Variants in LRRK2 observed in about 807,000 individuals in gnomAD.
LRRK2 encodes leucine rich repeat kinase 2.
A neutral mutation model predicts 302.6 loss-of-function variants in LRRK2; 203 were observed. The ratio of observed to expected loss-of-function variants is 0.67; its 90% CI spans 0.60 to 0.75. The LOEUF is 0.75. Ranked by LOEUF, LRRK2 falls within the 30% of genes least tolerant of loss-of-function variation. LRRK2 has a pLI of 0.00. For missense variants in LRRK2, 2,830 were observed against 2,951.0 expected (o/e 0.96, Z 0.95); for synonymous variants, 1,066 against 1,031.9 (o/e 1.03, Z -0.63).
At chr12:40,328,835 A>G (rs1016536999) in intron 39 of LRRK2, among the ~76,000 whole-genome samples, 6 of 152,156 alleles carry the variant, frequency 3.9e-5, no homozygotes, top group Non-Finnish European at 5.9e-5. Flanking sequence ...TCAGTGCCAT[A>G]TTATTGTTCC....
intron 41 of LRRK2, 109 bp from the exon 42 acceptor site, chr12:40,346,644 A>G: frequency 9.9e-7 from 1 of 1,005,468 alleles, no homozygotes; most frequent in East Asian, 2.6e-5. Flanking sequence ...CCTGGTTTAG[A>G]ACATCTCTTC....
At position 40,314,042 on chromosome 12, in the gene LRRK2, C is replaced by T. The variant is rs201247412; in HGVS notation, c.4607C>T (p.Ser1536Leu). 3.5e-5 allele frequency: 57 copies of T among 1,612,398 alleles called. No homozygotes were observed. The Admixed American group carries it at 5.5e-4, about 16-fold the overall frequency. ...GTAGAACTTGAAAAAATCATTTTAT[C>T]GGAGCGTAAAAATGTGCCAATTGAA... ...CYVELEKIIL[S>L]ERKNVPIEFP... The change falls in exon 32 of 51, where the codon TCG becomes TTG. Residue 1536 changes from serine (S) to leucine (L), a missense_variant. This residue lies in a region of LRRK2 where 2,121 missense variants were observed against 2,148.0 expected (regional missense o/e 0.99). Transcript: ENST00000298910.
chr12:40,247,940 G>A (rs1395807411), intron 7 of LRRK2, among the ~76,000 whole-genome samples: 1 of 151,724 alleles, frequency 6.6e-6, no homozygotes, highest in Non-Finnish European at 1.5e-5. Flanking sequence ...GATTATGTAA[G>A]CAGTAAGGGA....
intron 48 of LRRK2, 133 bp from the exon 49 acceptor site, chr12:40,364,709 A>G: frequency 2.6e-6 from 2 of 783,706 alleles, no homozygotes; most frequent in Non-Finnish European, 4.1e-6. Context: ...TTTGCTTTGT[A>G]TAATTTTAAT....
chr12:40,275,777 A>G (rs1454068587), intron 16 of LRRK2, among the ~76,000 whole-genome samples: 2 of 151,788 alleles, frequency 1.3e-5, no homozygotes, highest in Non-Finnish European at 2.9e-5. Flanking sequence ...TGCCTGGCTA[A>G]TTTTTGTATT....
chr12:40,365,595 TCTG>T (rs1464750462), intron 49 of LRRK2: 1 of 152,068 alleles, frequency 6.6e-6, no homozygotes, highest in Non-Finnish European at 1.5e-5. Flanking sequence ...AAATATATTT[TCTG>T]CATAAATATA....
chr12:40,272,330 T>A (rs1466206627), intron 14 of LRRK2, among the ~76,000 whole-genome samples: 5 of 152,216 alleles, frequency 3.3e-5, no homozygotes, highest in Non-Finnish European at 7.3e-5. Flanking sequence ...GATACTGGTA[T>A]CAAGCCAAAA....
intron 19 of LRRK2, among the ~76,000 whole-genome samples, chr12:40,284,575 G>A (rs1007378549): frequency 4.0e-5 from 6 of 151,672 alleles, no homozygotes; most frequent in African/African-American, 1.5e-4. Context: ...TATTTATTTG[G>A]CATTTTTAAC....
chr12:40,333,954 G>T (rs1387472450), intron 39 of LRRK2, among the ~76,000 whole-genome samples: 1 of 152,072 alleles, frequency 6.6e-6, no homozygotes, highest in African/African-American at 2.4e-5. Flanking sequence ...GGTCTGGAAG[G>T]CCTGGGGCAT....
At chr12:40,287,817 C>G (rs1399462266) in intron 20 of LRRK2, among the ~76,000 whole-genome samples, 3 of 151,896 alleles carry the variant, frequency 2.0e-5, no homozygotes, top group African/African-American at 7.2e-5. Flanking sequence ...CTGTCATTGA[C>G]TAGATCCTTT....
At position 40,349,862 on chromosome 12, in the gene LRRK2, G is replaced by A. The variant is rs143887108; in HGVS notation, c.6381+1353G>A. Among the ~76,000 whole-genome samples, 350 of 152,276 alleles carry A rather than the reference G, an allele frequency of 2.3e-3. 2 individuals carry two copies. The highest frequency in any genetic ancestry group is 6.3e-3 in the African/African-American group (263 of 41,556). On this transcript the variant is annotated intron_variant, in intron 43 of 50. Transcript: ENST00000298910. ...TCTGTTTACTTAGGTCTTCTCAAGC[G>A]TCTTTCAATAAAGTTTTGTAATGCT...
chr12:40,306,326 G>A (rs561145453), intron 28 of LRRK2, among the ~76,000 whole-genome samples: 28 of 152,076 alleles, frequency 1.8e-4, no homozygotes, highest in Non-Finnish European at 3.2e-4. Context: ...ATTTCATATA[G>A]CAACTAGTTA....
intron 3 of LRRK2, among the ~76,000 whole-genome samples, chr12:40,233,759 T>G (rs970202759): frequency 5.3e-5 from 8 of 152,236 alleles, no homozygotes; most frequent in African/African-American, 1.9e-4. Context: ...TCTAGTCATA[T>G]TCCTGTACAA....
rs1943533435 is a variant in LRRK2, at chr12:40,278,014, C to T, written c.2068C>T (p.Gln690Ter). ...CAATATCATGGAACAAAAGGATCAA[C>T]AGGTACAGTGTTTTTCACTTGCATC... ...SSNIMEQKDQ[Q>*]FLNLCCKCFA... The change falls in exon 17 of 51, where the codon CAG becomes TAG. Residue 690 changes from glutamine (Q) to a stop codon, truncating the protein, a stop_gained and splice_region_variant. Coordinates refer to ENST00000298910, the MANE Select transcript of LRRK2 (RefSeq NM_198578.4). LOFTEE classifies it high-confidence loss of function. 1.2e-6 allele frequency: 2 copies of T among 1,613,676 alleles called. No individual in the cohort carries two copies. The highest frequency in any genetic ancestry group is 2.7e-5 in the African/African-American group (2 of 74,902).
intron 14 of LRRK2, among the ~76,000 whole-genome samples, chr12:40,269,982 C>T (rs1237663584): frequency 6.6e-6 from 1 of 152,112 alleles, no homozygotes; most frequent in Admixed American, 6.6e-5. Flanking sequence ...TTAAATCTAA[C>T]ACTACTACCT....
chr12:40,298,378 C>T lies in LRRK2; in HGVS notation c.3232C>T (p.Pro1078Ser), dbSNP rs1484633899. The change falls in exon 24 of 51, where the codon CCT becomes TCT. Residue 1078 changes from proline to serine, a missense_variant. Pro to Ser is a moderately conservative substitution (Grantham distance 74). Transcript: ENST00000298910. The stretch of plus-strand genomic sequence containing the variant: ...CATTGGACCCTCAGTGGTTTTAGAT[C>T]CTACAGTGAAATGTCCAACTCTGAA... ...NDIGPSVVLDPTVKCPTLKQF... is the reference protein window; with the variant it reads ...NDIGPSVVLDSTVKCPTLKQF... 1 of 1,613,844 alleles carries T rather than the reference C, an allele frequency of 6.2e-7. No homozygotes were observed. The highest frequency in any genetic ancestry group is 8.5e-7 in the Non-Finnish European group (1 of 1,179,950).
intron 40 of LRRK2, among the ~76,000 whole-genome samples, 198 bp from the exon 41 acceptor site, chr12:40,340,096 T>C (rs1945992213): frequency 6.6e-6 from 1 of 152,252 alleles, no homozygotes. Context: ...GACCCTTTTT[T>C]AAAGCATAAC....
intron 37 of LRRK2, among the ~76,000 whole-genome samples, chr12:40,322,910 G>A (rs1340541943): frequency 6.6e-6 from 1 of 152,100 alleles, no homozygotes; most frequent in Non-Finnish European, 1.5e-5. Context: ...CTAGTCAGAT[G>A]TCTGGTAGTC....
chr12:40,251,247 TAAATC>T lies in LRRK2; in HGVS notation c.977_981del (p.Asn326ArgfsTer7), dbSNP rs1942256901. ...TTTTTTCAAGCTGAGACTATTTTCT[TAAATC>T]AAGATTTAGAGGAAAAGAATGAGAA... On this transcript the variant is annotated frameshift_variant, in exon 9 of 51. Coordinates refer to ENST00000298910, the MANE Select transcript of LRRK2 (RefSeq NM_198578.4). LOFTEE classifies it high-confidence loss of function. 1 of 1,595,002 alleles carries T rather than the reference TAAATC, an allele frequency of 6.3e-7. No homozygotes were observed. Among genetic ancestry groups the T allele is most frequent in the African/African-American group, 1.3e-5 (1 of 74,356 alleles).
Sources: gnomAD v4.1 joint callset for allele counts (sites outside exome capture counted in the v4.1 genomes callset) on GRCh38, gnomAD v4.1.1 for gene constraint, gnomAD v4.1.1 regional missense constraint, MANE v1.5 for transcripts, NCBI Gene and HGNC (gene_info 2026-07-23, HGNC 2026-07-21) for gene names.